Variants in EXOC4 observed in about 807,000 individuals in gnomAD.
The protein encoded by EXOC4 is SEC8-like 1.
In EXOC4, 71 loss-of-function variants were observed where a neutral mutation model predicts 107.2. The ratio of observed to expected loss-of-function variants is 0.66; its 90% CI spans 0.55 to 0.81. EXOC4 has a LOEUF of 0.81. Among genes scored for constraint, EXOC4 ranks in the 30% least tolerant of loss-of-function variants. The pLI is 0.00. For missense variants in EXOC4, 1,108 were observed against 1,189.6 expected (o/e 0.93, Z 1.01); for synonymous variants, 456 against 441.2 (o/e 1.03, Z -0.42).
intron 14 of EXOC4, among the ~76,000 whole-genome samples, chr7:133,980,383 G>C (rs534650369): frequency 6.6e-6 from 1 of 152,212 alleles, no homozygotes; most frequent in Non-Finnish European, 1.5e-5. Context: ...ACTGTGTGCC[G>C]AAGGTTGTTC....
rs761900215 is a variant in EXOC4, at chr7:134,064,506, A to G, written c.2903A>G (p.Asp968Gly). The G allele has an allele frequency of 1.9e-6, 3 of 1,603,978 alleles. No homozygotes were observed. The highest frequency in any genetic ancestry group is 2.6e-6 in the Non-Finnish European group (3 of 1,175,046). Residue 968 changes from aspartate to glycine, a missense_variant, in exon 18 of 18, where the codon GAC (aspartate) becomes GGC (glycine). Asp to Gly is a moderately conservative substitution (Grantham distance 94). Coordinates refer to ENST00000253861, the MANE Select transcript of EXOC4 (RefSeq NM_021807.4). ...EQAAIKQATK[D>G]KKITTV Reference sequence around the variant, plus strand: ...GCTGCCATCAAGCAAGCCACCAAGGACAAGAAGATAACTACCGTTTAGCAG... The same window carrying G: ...GCTGCCATCAAGCAAGCCACCAAGGGCAAGAAGATAACTACCGTTTAGCAG...
chr7:133,866,704 T>C (rs1489064557), intron 11 of EXOC4, among the ~76,000 whole-genome samples: 1 of 151,758 alleles, frequency 6.6e-6, no homozygotes, highest in Non-Finnish European at 1.5e-5. Context: ...CTATGTGCTC[T>C]AAAGCTTTGA....
chr7:133,272,856 T>TA lies in EXOC4; in HGVS notation c.87-2124dup, dbSNP rs530141424. 2.2e-4 allele frequency among the ~76,000 whole-genome samples: 33 copies of TA among 152,324 alleles called. No homozygotes were observed. In the South Asian group the frequency reaches 2.9e-3, roughly 13 times the overall value. On this transcript the variant is annotated intron_variant, in intron 1 of 17. Coordinates refer to ENST00000253861, the MANE Select transcript of EXOC4 (RefSeq NM_021807.4). ...AACTCCTAATGATCCAGTAATGTGT[T>TA]AACAGTGACAGCTGATGCCAGAAAA...
chr7:133,936,546 C>G (rs1800304891), intron 13 of EXOC4, among the ~76,000 whole-genome samples: 1 of 152,214 alleles, frequency 6.6e-6, no homozygotes, highest in Non-Finnish European at 1.5e-5. Flanking sequence ...AGAAAACTCT[C>G]CAGGTGCCTA....
intron 2 of EXOC4, among the ~76,000 whole-genome samples, chr7:133,284,594 C>T (rs1446693590): frequency 2.0e-5 from 3 of 152,068 alleles, no homozygotes; most frequent in Non-Finnish European, 4.4e-5. Context: ...TGCAGTGGCC[C>T]GATCTCGGCT....
chr7:133,504,314 G>T (rs1380745680), intron 9 of EXOC4, among the ~76,000 whole-genome samples: 1 of 152,030 alleles, frequency 6.6e-6, no homozygotes, highest in African/African-American at 2.4e-5. Context: ...AGAAAGCAAG[G>T]ATTATTTAGT....
chr7:133,685,398 C>T (rs1043719653), intron 10 of EXOC4, among the ~76,000 whole-genome samples: 7 of 152,256 alleles, frequency 4.6e-5, no homozygotes, highest in African/African-American at 7.2e-5. Context: ...CTTGCTTCCC[C>T]GTCACCTTCT....
intron 9 of EXOC4, among the ~76,000 whole-genome samples, chr7:133,565,080 A>G (rs1476466134): frequency 6.6e-6 from 1 of 152,144 alleles, no homozygotes; most frequent in Non-Finnish European, 1.5e-5. Context: ...CCAATTAGTG[A>G]CCTTGGTAAA....
At chr7:133,624,881 C>A (rs1380875942) in intron 9 of EXOC4, among the ~76,000 whole-genome samples, 2 of 144,618 alleles carry the variant, frequency 1.4e-5, no homozygotes, top group African/African-American at 5.2e-5. Context: ...GTGTGAGCCA[C>A]CGCGCCCAGC....
chr7:134,066,651 A>G (rs1179682423), downstream of EXOC4: 3 of 152,132 alleles, frequency 2.0e-5, no homozygotes, highest in East Asian at 1.9e-4. Context: ...CTCACAACCT[A>G]TATGCATTTG....
At chr7:133,692,466 A>T (rs1376005386) in intron 10 of EXOC4, among the ~76,000 whole-genome samples, 1 of 152,140 alleles carries the variant, frequency 6.6e-6, no homozygotes, top group African/African-American at 2.4e-5. Flanking sequence ...GCCCTGGGAC[A>T]CTCACAGGGT....
chr7:133,270,568 A>G (rs983331043), intron 1 of EXOC4, among the ~76,000 whole-genome samples: 5 of 152,236 alleles, frequency 3.3e-5, no homozygotes, highest in Non-Finnish European at 7.3e-5. Context: ...AAGAAGGAAT[A>G]GACATTTTTT....
At chr7:133,551,398 G>A (rs952743008) in intron 9 of EXOC4, among the ~76,000 whole-genome samples, 1 of 151,820 alleles carries the variant, frequency 6.6e-6, no homozygotes, top group African/African-American at 2.4e-5. Flanking sequence ...TCTAAGGATA[G>A]ATTCATCATG....
chr7:134,007,124 C>T (rs1794660738), intron 16 of EXOC4, among the ~76,000 whole-genome samples: 1 of 152,148 alleles, frequency 6.6e-6, no homozygotes, highest in Non-Finnish European at 1.5e-5. Flanking sequence ...TTGCCAATAA[C>T]CCAATTTCTT....
At chr7:133,267,534 G>A (rs1209091372) in intron 1 of EXOC4, among the ~76,000 whole-genome samples, 2 of 152,136 alleles carry the variant, frequency 1.3e-5, no homozygotes, top group African/African-American at 4.8e-5. Context: ...GCCTCCTTAT[G>A]TGAAGTAGCC....
At chr7:133,965,020 T>A (rs191369308) in intron 14 of EXOC4, among the ~76,000 whole-genome samples, 5 of 152,358 alleles carry the variant, frequency 3.3e-5, no homozygotes, top group African/African-American at 1.2e-4. Flanking sequence ...ATGATTGCCA[T>A]TGTAACTGGC....
chr7:133,469,379 G>A (rs148505373), intron 7 of EXOC4, among the ~76,000 whole-genome samples: 2,042 of 152,154 alleles, frequency 0.013, 28 homozygotes, highest in Admixed American at 0.017. Context: ...TCGTGCCACT[G>A]CACTCCAGCC....
At chr7:133,985,594 A>G (rs979228960) in intron 14 of EXOC4, among the ~76,000 whole-genome samples, 7 of 152,130 alleles carry the variant, frequency 4.6e-5, no homozygotes, top group African/African-American at 1.7e-4. Context: ...AATATGTAAT[A>G]TTTGTCTTTC....
intron 10 of EXOC4, among the ~76,000 whole-genome samples, chr7:133,698,493 A>G (rs1448841242): frequency 6.6e-6 from 1 of 151,096 alleles, no homozygotes; most frequent in East Asian, 2.0e-4. Context: ...GAGGTGGGAG[A>G]TGCACCTGTG....
Sources: gnomAD v4.1 joint callset for allele counts (sites outside exome capture counted in the v4.1 genomes callset) on GRCh38, gnomAD v4.1.1 for gene constraint, MANE v1.5 for transcripts, NCBI Gene and HGNC (gene_info 2026-07-23, HGNC 2026-07-21) for gene names.